POU2F1: variants seen among roughly 807,000 people sequenced by gnomAD.
The protein encoded by POU2F1 is POU class 2 homeobox 1, also known as POU domain, class 2, transcription factor 1.
A neutral mutation model predicts 84.9 loss-of-function variants in POU2F1; 16 were observed. The observed-to-expected ratio is 0.19, with a 90% confidence interval of 0.13 to 0.29. The LOEUF (loss-of-function observed/expected upper bound fraction) is 0.29. Ranked by LOEUF, POU2F1 falls within the 10% of genes least tolerant of loss-of-function variation. The pLI is 1.00. For missense variants in POU2F1, 738 were observed against 942.6 expected, an observed-to-expected ratio of 0.78 and a Z score of 2.84; for synonymous variants, 368 against 368.3, an observed-to-expected ratio of 1.00 and a Z score of 0.01.
intron 2 of POU2F1, among the ~76,000 whole-genome samples, chr1:167,336,856 C>G (rs1474137744): frequency 1.3e-5 from 2 of 151,924 alleles, no homozygotes. Context: ...TGGTGAAACC[C>G]TGCCTCTACT....
chr1:167,370,060 G>C lies in POU2F1; in HGVS notation c.229-101G>C, dbSNP rs377220431. On this transcript the variant is annotated intron_variant, in intron 3 of 15. Coordinates refer to ENST00000367866, the MANE Select transcript of POU2F1 (RefSeq NM_002697.4). The stretch of plus-strand genomic sequence containing the variant: ...TAAGACAAACTTCTTTGTCTTCTCA[G>C]TTCTAGCTCGGTGACACATAGTAGA... The C allele has an allele frequency of 4.1e-4, 414 of 1,011,180 alleles. No individual in the cohort carries two copies. The African/African-American group carries it at 6.0e-3, about 15-fold the overall frequency. 62.6% of individuals were successfully genotyped at this position (1,011,180 alleles called of 1,614,324 possible). A position where few individuals can be genotyped will look rare whatever the true frequency, so the allele number is the denominator to read the frequency against.
intron 1 of POU2F1, among the ~76,000 whole-genome samples, chr1:167,227,441 A>T (rs1648724002): frequency 1.3e-5 from 2 of 152,118 alleles, no homozygotes; most frequent in Admixed American, 1.3e-4. Flanking sequence ...TAAACGACTC[A>T]TTTGTGCTTA....
At chr1:167,382,122 G>A (rs192065458) in intron 7 of POU2F1, among the ~76,000 whole-genome samples, 147 of 152,242 alleles carry the variant, frequency 9.7e-4, no homozygotes, top group Middle Eastern at 3.4e-3. Flanking sequence ...GATGTATTTT[G>A]AACAAGATGC....
intron 2 of POU2F1, among the ~76,000 whole-genome samples, chr1:167,353,610 TGAAA>T (rs1658734587): frequency 6.6e-6 from 1 of 152,222 alleles, no homozygotes. Context: ...ACCTGACTTA[TGAAA>T]GAAACGATCA....
chr1:167,330,356 A>G (rs1041623988), intron 1 of POU2F1, among the ~76,000 whole-genome samples: 2 of 152,168 alleles, frequency 1.3e-5, no homozygotes, highest in Admixed American at 6.6e-5. Context: ...GCCTAAACCC[A>G]GGGTAGCAGT....
At chr1:167,339,597 C>A (rs1657701958) in intron 2 of POU2F1, among the ~76,000 whole-genome samples, 1 of 152,230 alleles carries the variant, frequency 6.6e-6, no homozygotes. Context: ...GTACTCCTGA[C>A]AGATGGTTAT....
chr1:167,383,857 G>T lies in POU2F1; in HGVS notation c.719G>T (p.Gly240Val). The change falls in exon 8 of 16, where the codon GGT becomes GTT. Residue 240 changes from glycine to valine, a missense_variant and splice_region_variant. By Grantham distance (109) the Gly-to-Val change is moderately radical (BLOSUM62 -3). Around this residue, in one of 4 missense-constraint regions of POU2F1, gnomAD observed 163 missense variants for 214.4 expected, o/e 0.76. Coordinates refer to ENST00000367866, the MANE Select transcript of POU2F1 (RefSeq NM_002697.4). ...TGGATAACATGTTTTTCTTCTACAG[G>T]TCTCCTGCAAGCGCAAAATCTTCTA... Reference protein sequence around the residue: ...IISQTPQGQQGLLQAQNLLTQ... With the variant: ...IISQTPQGQQVLLQAQNLLTQ... 1 of 1,611,714 alleles carries T rather than the reference G, an allele frequency of 6.2e-7. No individual in the cohort carries two copies.
At chr1:167,286,239 G>A (rs1056178570) in intron 1 of POU2F1, among the ~76,000 whole-genome samples, 1 of 152,126 alleles carries the variant, frequency 6.6e-6, no homozygotes, top group Non-Finnish European at 1.5e-5. Flanking sequence ...TCTCTTTGCT[G>A]TAGTTCATTC....
In POU2F1 at chr1:167,418,338, A is replaced by T. The variant is rs1650437053; in HGVS notation, c.*2528A>T. 6.6e-6 allele frequency: 1 copy of T among 152,120 alleles called. No homozygotes were observed. The highest frequency in any genetic ancestry group is 2.1e-4 in the South Asian group (1 of 4,826). 9.4% of individuals were successfully genotyped at this position (152,120 alleles called of 1,614,324 possible). A position where few individuals can be genotyped will look rare whatever the true frequency, so the allele number is the denominator to read the frequency against. ...AATAGAATGACAATGTCAATTACTA[A>T]TTTCTCTCCTCTCCATTCACTTTTT... On this transcript the variant is annotated 3_prime_UTR_variant, in exon 16 of 16. Coordinates refer to ENST00000367866, the MANE Select transcript of POU2F1 (RefSeq NM_002697.4).
intron 7 of POU2F1, chr1:167,379,555 G>A (rs902597152): frequency 6.6e-6 from 1 of 152,170 alleles, no homozygotes; most frequent in Non-Finnish European, 1.5e-5. Flanking sequence ...AACCTTTTAG[G>A]TGTAAAGGAT....
chr1:167,367,911 C>G (rs531918932), intron 3 of POU2F1, among the ~76,000 whole-genome samples: 2 of 151,418 alleles, frequency 1.3e-5, no homozygotes, highest in African/African-American at 4.8e-5. Context: ...ACCATGGCAC[C>G]GAGCCAAAAA....
At chr1:167,326,129 A>T (rs1656694382) in intron 1 of POU2F1, among the ~76,000 whole-genome samples, 1 of 152,056 alleles carries the variant, frequency 6.6e-6, no homozygotes, top group Non-Finnish European at 1.5e-5. Flanking sequence ...TCCTCTAAAC[A>T]TCAGTTATTT....
chr1:167,351,907 T>C (rs181755188), intron 2 of POU2F1, among the ~76,000 whole-genome samples: 1 of 152,332 alleles, frequency 6.6e-6, no homozygotes, highest in Admixed American at 6.5e-5. Flanking sequence ...TCATAGGATA[T>C]AGATTTCCAT....
At chr1:167,280,788 A>T (rs1427438508) in intron 1 of POU2F1, among the ~76,000 whole-genome samples, 2 of 152,178 alleles carry the variant, frequency 1.3e-5, no homozygotes, top group East Asian at 1.9e-4. Context: ...TTTCTGTGAA[A>T]TTATAATTGT....
chr1:167,239,946 G>C lies in POU2F1; in HGVS notation c.61+18988G>C, dbSNP rs565392795. Among the ~76,000 whole-genome samples the C allele has an allele frequency of 5.3e-5, 8 of 150,738 alleles. No homozygotes were observed. The East Asian group carries it at 7.8e-4, about 15-fold the overall frequency. ...TTTATTTAGTTTTGGGGATGGAAAG[G>C]CTTTTTTTTTTTTCTTTAAGCTATG... On this transcript the variant is annotated intron_variant, in intron 1 of 15. Coordinates refer to ENST00000367866, the MANE Select transcript of POU2F1 (RefSeq NM_002697.4).
chr1:167,388,649 A>G (rs1355001827), intron 8 of POU2F1, among the ~76,000 whole-genome samples: 2 of 152,240 alleles, frequency 1.3e-5, no homozygotes, highest in African/African-American at 4.8e-5. Flanking sequence ...AGAGTAAGTC[A>G]GTGGTAGTGC....
At chr1:167,352,999 G>A (rs1357483390) in intron 2 of POU2F1, among the ~76,000 whole-genome samples, 1 of 152,210 alleles carries the variant, frequency 6.6e-6, no homozygotes, top group Non-Finnish European at 1.5e-5. Context: ...AATATGAACT[G>A]TTCATGAAGG....
intron 6 of POU2F1, among the ~76,000 whole-genome samples, chr1:167,374,522 G>T (rs1660202331): frequency 6.6e-6 from 1 of 152,160 alleles, no homozygotes; most frequent in Non-Finnish European, 1.5e-5. Context: ...TTGAATAACT[G>T]ACTTTATATT....
chr1:167,223,984 T>C (rs1231766621), intron 1 of POU2F1, among the ~76,000 whole-genome samples: 1 of 152,212 alleles, frequency 6.6e-6, no homozygotes, highest in African/African-American at 2.4e-5. Flanking sequence ...ACCATTTATT[T>C]CGGGTCAATT....
Sources: allele counts gnomAD v4.1 joint callset (sites outside exome capture counted in the v4.1 genomes callset), GRCh38; gene constraint gnomAD v4.1.1; regional missense constraint gnomAD v4.1.1; transcripts MANE v1.5; gene names NCBI Gene and HGNC (gene_info 2026-07-23, HGNC 2026-07-21).